Variants in CCDC126 observed in about 807,000 individuals in gnomAD.
CCDC126 encodes the protein coiled-coil domain-containing protein 126.
In CCDC126, 5 loss-of-function variants were observed where a neutral mutation model predicts 11.7. The observed-to-expected ratio is 0.43, with a 90% CI of 0.22 to 0.90. The LOEUF (loss-of-function observed/expected upper bound fraction) is 0.90, where lower values mean the gene tolerates loss of function less well. CCDC126 is among the 40% of genes least tolerant of loss of function. The probability of loss-of-function intolerance (pLI) is 0.27; values close to 1 mark genes in which losing one functional copy is unlikely to be tolerated. For missense variants in CCDC126, 150 were observed against 163.1 expected (o/e 0.92, Z 0.44); for synonymous variants, 60 against 61.9 (o/e 0.97, Z 0.14).
intron 3 of CCDC126, among the ~76,000 whole-genome samples, chr7:23,636,117 CG>C (rs1474200994): frequency 2.0e-5 from 3 of 152,186 alleles, no homozygotes; most frequent in Non-Finnish European, 2.9e-5. Context: ...CCGCCAGCCT[CG>C]GCCTCCCTAG....
At chr7:23,631,059 A>G (rs1479320147) in intron 3 of CCDC126, among the ~76,000 whole-genome samples, 1 of 152,116 alleles carries the variant, frequency 6.6e-6, no homozygotes, top group Non-Finnish European at 1.5e-5. Context: ...GAAAAGAGGA[A>G]AAGTCTCAAA....
chr7:23,626,983 A>G (rs1283950402), intron 3 of CCDC126, among the ~76,000 whole-genome samples: 3 of 151,908 alleles, frequency 2.0e-5, no homozygotes, highest in African/African-American at 7.3e-5. Context: ...TTTTCTTCCT[A>G]TGTAATATTA....
chr7:23,600,404 C>T (rs934071241), intron 2 of CCDC126, among the ~76,000 whole-genome samples: 25 of 134,876 alleles, frequency 1.9e-4, no homozygotes, highest in Non-Finnish European at 3.3e-4. Context: ...ATATTAGCCT[C>T]AGGCAGTGTT....
intron 3 of CCDC126, among the ~76,000 whole-genome samples, chr7:23,635,111 A>G (rs1455257144): frequency 6.6e-6 from 1 of 152,232 alleles, no homozygotes; most frequent in Non-Finnish European, 1.5e-5. Context: ...TAAGGAAGTT[A>G]AAGTAGAAAC....
chr7:23,631,476 A>AGGAAATTTGGCCAAGTGC (rs976203381), intron 3 of CCDC126, among the ~76,000 whole-genome samples: 12 of 152,166 alleles, frequency 7.9e-5, no homozygotes, highest in African/African-American at 2.9e-4. Context: ...ATTACTGTTA[A>AGGAAATTTGGCCAAGTGC]GGAAATTTGG....
chr7:23,622,807 A>C (rs1041043252), intron 3 of CCDC126: 1 of 454,036 alleles, frequency 2.2e-6, no homozygotes. Flanking sequence ...CCAGATGATT[A>C]CAGAGCCCCT....
rs1397529340 is a variant in CCDC126 at position 23,612,496 on chromosome 7, A to AG, written c.238+943_238+944insG. Among the ~76,000 whole-genome samples the AG allele has an allele frequency of 2.4e-4, 33 of 139,124 alleles. No homozygotes were observed. The East Asian group carries it at 6.0e-3, about 25-fold the overall frequency. 91.3% of individuals were successfully genotyped at this position (139,124 alleles called of 152,430 possible). A position where few individuals can be genotyped will look rare whatever the true frequency, so the allele number is the denominator to read the frequency against. The stretch of plus-strand genomic sequence containing the variant: ...TCTCAAAAAAAAAAAAAAAAAAAAA[A>AG]AAAAACAAAGAAAAAAGAAAAAAAA... On this transcript the variant is annotated intron_variant, in intron 3 of 3. Transcript: ENST00000307471.
intron 3 of CCDC126, among the ~76,000 whole-genome samples, chr7:23,632,193 A>C (rs1783127905): frequency 6.6e-6 from 1 of 150,976 alleles, no homozygotes; most frequent in Non-Finnish European, 1.5e-5. Context: ...TCCCAGGTTC[A>C]AGTGATTCTC....
At chr7:23,642,854 C>T in intron 3 of CCDC126, 77 bp from the exon 4 acceptor site, 1 of 1,246,672 alleles carries the variant, frequency 8.0e-7, no homozygotes. Flanking sequence ...AGTTGTTCAC[C>T]TTTTTCCTTC....
At chr7:23,626,419 T>C (rs1390400397) in intron 3 of CCDC126, among the ~76,000 whole-genome samples, 1 of 152,240 alleles carries the variant, frequency 6.6e-6, no homozygotes, top group African/African-American at 2.4e-5. Flanking sequence ...AAAATATTTA[T>C]TGAATGGACC....
In CCDC126 at chr7:23,641,082, G is replaced by A. The variant is rs151046777; in HGVS notation, c.239-1849G>A. Among the ~76,000 whole-genome samples, 244 of 147,266 alleles carry A rather than the reference G, an allele frequency of 1.7e-3. 2 individuals are homozygous for A. Among genetic ancestry groups the A allele is most frequent in the African/African-American group, 5.8e-3 (229 of 39,752 alleles). On this transcript the variant is annotated intron_variant, in intron 3 of 3. Coordinates refer to ENST00000307471, the MANE Select transcript of CCDC126 (RefSeq NM_138771.4). The stretch of plus-strand genomic sequence containing the variant: ...TTTATGTTTAAGTTTTTGAGGAACT[G>A]GCAAACTCTTTTCCACAGCAGCTGC...
chr7:23,616,190 T>G (rs1338496643), intron 3 of CCDC126, among the ~76,000 whole-genome samples: 1 of 152,208 alleles, frequency 6.6e-6, no homozygotes, highest in East Asian at 1.9e-4. Flanking sequence ...AATATTCTCC[T>G]AGCATATTCA....
chr7:23,611,589 A>G (rs1782712338), intron 3 of CCDC126, 36 bp downstream of exon 3: 4 of 1,438,828 alleles, frequency 2.8e-6, no homozygotes, highest in East Asian at 2.3e-5. Flanking sequence ...GTTTCCTCCA[A>G]TCCCTGTTTA....
intron 3 of CCDC126, among the ~76,000 whole-genome samples, chr7:23,642,376 A>G (rs1467148816): frequency 1.3e-5 from 2 of 152,180 alleles, no homozygotes; most frequent in Non-Finnish European, 2.9e-5. Flanking sequence ...ACCAGACTTT[A>G]AAATCCATTA....
chr7:23,622,543 C>T (rs1782932495), intron 3 of CCDC126: 7 of 527,140 alleles, frequency 1.3e-5, no homozygotes, highest in South Asian at 1.0e-4. Context: ...GTCTGTATGC[C>T]AGGTGTATCC....
intron 3 of CCDC126, among the ~76,000 whole-genome samples, chr7:23,640,806 A>G (rs1438068322): frequency 1.3e-5 from 2 of 152,154 alleles, no homozygotes; most frequent in Non-Finnish European, 2.9e-5. Flanking sequence ...GTGTTGTAGC[A>G]TGTATCAGAA....
At chr7:23,625,649 ATT>A (rs34492140) in intron 3 of CCDC126, among the ~76,000 whole-genome samples, 3 of 77,142 alleles carry the variant, frequency 3.9e-5, no homozygotes, top group East Asian at 3.4e-4. Context: ...TATTTGACTG[ATT>A]TTTTTTTTTT....
chr7:23,630,661 A>G (rs528561256), intron 3 of CCDC126, among the ~76,000 whole-genome samples: 5 of 145,992 alleles, frequency 3.4e-5, no homozygotes, highest in Admixed American at 1.4e-4. Context: ...TGAGGCTGCA[A>G]TGAGCCATGA....
chr7:23,634,369 C>A (rs1417721459), intron 3 of CCDC126, among the ~76,000 whole-genome samples: 1 of 152,160 alleles, frequency 6.6e-6, no homozygotes, highest in East Asian at 1.9e-4. Flanking sequence ...GGGAGGAAAT[C>A]ACTTGAATCC....
Sources: gnomAD v4.1 joint callset for allele counts (sites outside exome capture counted in the v4.1 genomes callset) on GRCh38, gnomAD v4.1.1 for gene constraint, MANE v1.5 for transcripts, NCBI Gene and HGNC (gene_info 2026-07-23, HGNC 2026-07-21) for gene names.